The following PEAK3 variants were observed in gnomAD, a reference collection of about 807,000 sequenced individuals.
The protein encoded by PEAK3 is protein PEAK3.
Under a neutral mutation model 13.3 loss-of-function variants are expected in PEAK3, and 15 were observed. The ratio of observed to expected loss-of-function variants is 1.13; its 90% CI spans 0.75 to 1.73. The LOEUF is 1.73. Among genes scored for constraint, PEAK3 ranks in the 40% most tolerant of loss-of-function variants. The pLI is 0.00. For synonymous variants in PEAK3, 347 were observed against 341.9 expected (o/e 1.01, Z -0.17); for missense variants, 739 against 690.2 (o/e 1.07, Z -0.79).
Position 2,275,338 on chromosome 19 carries a change from A to G in PEAK3, c.*342T>C, listed in dbSNP as rs1207477536. 2 of 210,242 alleles carry G rather than the reference A, an allele frequency of 9.5e-6. No homozygotes were observed. The highest frequency in any genetic ancestry group is 1.9e-5 in the Non-Finnish European group (2 of 105,714). The allele number at this position is 210,242 out of a possible 1,614,324, so 13.0% of individuals were successfully genotyped here. ...GACAATGACAGAACCCACGCGGAAG[A>G]GCGCCCTGGCTGCTGGGGAAGGCAG... On this transcript the variant is annotated 3_prime_UTR_variant, in exon 4 of 4. Coordinates refer to ENST00000342063, the MANE Select transcript of PEAK3 (RefSeq NM_198532.3).
chr19:2,276,273 A>T lies in PEAK3; in HGVS notation c.829T>A (p.Phe277Ile). The change falls in exon 4 of 4, where the codon TTC becomes ATC. Residue 277 changes from phenylalanine to isoleucine, a missense_variant. Coordinates refer to ENST00000342063, the MANE Select transcript of PEAK3 (RefSeq NM_198532.3). Reference protein sequence around the residue: ...AEACTQPPEEFVWAVALLLLQ... With the variant: ...AEACTQPPEEIVWAVALLLLQ... ...AGCAGCAGGGCCACAGCCCACACGA[A>T]CTCCTCCGGCGGCTGCGTGCAGGCC... is the stretch of plus-strand genomic sequence containing the variant. The T allele has an allele frequency of 2.5e-6, 4 of 1,592,168 alleles. No homozygotes were observed. Among genetic ancestry groups the T allele is most frequent in the Non-Finnish European group, 3.4e-6 (4 of 1,175,956 alleles).
At chr19:2,278,509 A>G (rs78048915) in intron 3 of PEAK3, 75 bp downstream of exon 3, 169,368 of 1,355,258 alleles carry the variant, frequency 0.12, 12,834 homozygotes, top group East Asian at 0.35. Flanking sequence ...GAAAGGCCAA[A>G]TGAAACAAGC....
chr19:2,277,923 G>T (rs1014548994), intron 3 of PEAK3, among the ~76,000 whole-genome samples: 1 of 150,304 alleles, frequency 6.7e-6, no homozygotes, highest in African/African-American at 2.5e-5. Context: ...GAGCGCAGTG[G>T]TGCGTTCTCG....
rs934810672 is a variant in PEAK3 at position 2,275,081 on chromosome 19, G to A, written c.*599C>T. 1 of 152,206 alleles carries A rather than the reference G, an allele frequency of 6.6e-6. No homozygotes were observed. The highest frequency in any genetic ancestry group is 1.5e-5 in the Non-Finnish European group (1 of 68,084). 9.4% of individuals were successfully genotyped at this position (152,206 alleles called of 1,614,324 possible). The stretch of plus-strand genomic sequence containing the variant: ...GGCAGGGTGGGCGCAGAGGGATTGA[G>A]GGGAGGTGGCAGGGAACCGCGGGGA... On this transcript the variant is annotated 3_prime_UTR_variant, in exon 4 of 4. Transcript: ENST00000342063.
chr19:2,276,529 C>T (rs2025392092), intron 3 of PEAK3, 40 bp from the exon 4 acceptor site: 2 of 1,339,414 alleles, frequency 1.5e-6, no homozygotes, highest in East Asian at 2.4e-5. Context: ...GATCACTGGG[C>T]CCCCCACAAG....
At chr19:2,280,774 C>T in intron 2 of PEAK3, 76 bp downstream of exon 2, 1 of 1,051,642 alleles carries the variant, frequency 9.5e-7, no homozygotes, top group Non-Finnish European at 1.3e-6. Flanking sequence ...GCTCCCTGCA[C>T]CCACCTGCCG....
Position 2,275,751 on chromosome 19 carries a change from G to A in PEAK3, c.1351C>T (p.Leu451=). 1 of 1,582,058 alleles carries A rather than the reference G, an allele frequency of 6.3e-7. No individual in the cohort carries two copies. The highest frequency in any genetic ancestry group is 1.4e-5 in the African/African-American group (1 of 72,830). ...GGEAPSLEDW[L]CCEYLAEATE... Reference sequence around the variant, plus strand: ...GCCTCGGCCAGGTATTCGCAACACAGCCAGTCCTCGAGGCTGGGAGCTTCC... The same window carrying A: ...GCCTCGGCCAGGTATTCGCAACACAACCAGTCCTCGAGGCTGGGAGCTTCC... Residue 451 remains leucine (L), a synonymous_variant, in exon 4 of 4, where the codon CTG becomes TTG. Transcript: ENST00000342063.
At position 2,276,393 on chromosome 19, in the gene PEAK3, C is replaced by G. The variant is rs905862415; in HGVS notation, c.709G>C (p.Val237Leu). Reference sequence around the variant, plus strand: ...GCCCCGGGCAGTGTGCCTTCAGGCACCAGGCCACACAGCCCCTGCAGATTG... The same window carrying G: ...GCCCCGGGCAGTGTGCCTTCAGGCAGCAGGCCACACAGCCCCTGCAGATTG... ...HFNLQGLCGLVPEGTLPGAPW... is the reference protein window; with the variant it reads ...HFNLQGLCGLLPEGTLPGAPW... Residue 237 changes from valine (V) to leucine (L), a missense_variant, in exon 4 of 4, where the codon GTG becomes CTG. By Grantham distance (32) the Val-to-Leu change is conservative. Transcript: ENST00000342063. The G allele has an allele frequency of 6.2e-7, 1 of 1,600,090 alleles. No homozygotes were observed. The highest frequency in any genetic ancestry group is 8.5e-7 in the Non-Finnish European group (1 of 1,178,646).
Position 2,278,962 on chromosome 19 carries a change from G to C in PEAK3, c.234C>G (p.Pro78=), listed in dbSNP as rs767688180. 63 of 1,603,994 alleles carry C rather than the reference G, an allele frequency of 3.9e-5. No homozygotes were observed. Among genetic ancestry groups the C allele is most frequent in the Non-Finnish European group, 2.6e-5 (30 of 1,173,402 alleles). The change falls in exon 3 of 4, where the codon CCC becomes CCG. Residue 78 remains proline, a synonymous_variant. Coordinates refer to ENST00000342063, the MANE Select transcript of PEAK3 (RefSeq NM_198532.3). The part of the protein sequence containing the change: ...QSLPTRRTLH[P]SSIQVQPPRR... Reference sequence around the variant, plus strand: ...GAGGCGGCTGTACTTGGATGGAGCTGGGATGGAGGGTCCTGCGGGTGGGCA... The same window carrying C: ...GAGGCGGCTGTACTTGGATGGAGCTCGGATGGAGGGTCCTGCGGGTGGGCA...
In PEAK3 at chr19:2,276,154, C is replaced by G. The variant is rs759304443; in HGVS notation, c.948G>C (p.Arg316=). The G allele has an allele frequency of 3.4e-4, 527 of 1,545,484 alleles. No individual in the cohort carries two copies. The highest frequency in any genetic ancestry group is 4.2e-4 in the Non-Finnish European group (487 of 1,146,684). Residue 316 remains arginine, a synonymous_variant, in exon 4 of 4, where the codon CGG becomes CGC. Transcript: ENST00000342063. The part of the protein sequence containing the change: ...RPENLLLVAP[R]GCATTGPPRL... Reference sequence around the variant, plus strand: ...GTGGGGGCCCCGTCGTCGCACAGCCCCGAGGTGCCACCAGCAGCAAGTTCT... The same window carrying G: ...GTGGGGGCCCCGTCGTCGCACAGCCGCGAGGTGCCACCAGCAGCAAGTTCT...
At chr19:2,281,247 T>C (rs78322842) in intron 1 of PEAK3, among the ~76,000 whole-genome samples, 3 of 121,788 alleles carry the variant, frequency 2.5e-5, no homozygotes, top group Admixed American at 8.2e-5. Context: ...GCTGTGTGAT[T>C]CTGAGTGGGT....
rs12462312 is a variant in PEAK3 at position 2,274,746 on chromosome 19, A to G, written c.*934T>C. 0.13 allele frequency: 19,213 copies of G among 149,580 alleles called. 2,178 individuals carry two copies. The highest frequency in any genetic ancestry group is 0.5 in the East Asian group (2,391 of 4,806). The allele number at this position is 149,580 out of a possible 1,614,324, so 9.3% of individuals were successfully genotyped here. ...CCAGCACTTTGGGAGGCCGAGGCGG[A>G]CGGATCACGAGGTCAGGAGATGGAG... On this transcript the variant is annotated 3_prime_UTR_variant, in exon 4 of 4. Transcript: ENST00000342063.
intron 1 of PEAK3, among the ~76,000 whole-genome samples, chr19:2,281,882 A>G (rs984562821): frequency 1.8e-4 from 28 of 152,104 alleles, no homozygotes; most frequent in African/African-American, 6.5e-4. Flanking sequence ...ATGGGGACAG[A>G]GTGTTCAGCC....
At chr19:2,277,850 C>T (rs8103071) in intron 3 of PEAK3, among the ~76,000 whole-genome samples, 5,069 of 149,474 alleles carry the variant, frequency 0.034, 262 homozygotes, top group East Asian at 0.18. Flanking sequence ...CAGGCGTCAG[C>T]CACTGTGCTG....
At chr19:2,276,605 C>G (rs868215641) in intron 3 of PEAK3, 116 bp from the exon 4 acceptor site, 2 of 823,522 alleles carry the variant, frequency 2.4e-6, no homozygotes, top group Non-Finnish European at 3.6e-6. Flanking sequence ...GCCCCCACTA[C>G]GGCTAGGGGC....
At chr19:2,280,224 G>A (rs8106532) in intron 2 of PEAK3, among the ~76,000 whole-genome samples, 21,834 of 151,424 alleles carry the variant, frequency 0.14, 2,196 homozygotes, top group African/African-American at 0.28. Context: ...CACCATGTCT[G>A]GCTAATTTTT....
chr19:2,275,987 G>A lies in PEAK3; in HGVS notation c.1115C>T (p.Ala372Val). Residue 372 changes from alanine (A) to valine (V), a missense_variant, in exon 4 of 4, where the codon GCG becomes GTG. Transcript: ENST00000342063. ...LAAPSTTPLAAGLELLAAQLT... is the reference protein window; with the variant it reads ...LAAPSTTPLAVGLELLAAQLT... ...CTGTGCTGCCAGGAGCTCCAGGCCC[G>A]CGGCCAAAGGCGTGGTCGAGGGCGC... 7.1e-7 allele frequency: 1 copy of A among 1,410,264 alleles called. No individual in the cohort carries two copies. The highest frequency in any genetic ancestry group is 9.2e-7 in the Non-Finnish European group (1 of 1,088,274). The allele number at this position is 1,410,264 out of a possible 1,614,324, so 87.4% of individuals were successfully genotyped here.
intron 3 of PEAK3, 74 bp downstream of exon 3, chr19:2,278,510 T>G: frequency 7.4e-7 from 1 of 1,355,010 alleles, no homozygotes; most frequent in Non-Finnish European, 9.5e-7. Context: ...AAAGGCCAAA[T>G]GAAACAAGCC....
chr19:2,278,910 C>T lies in PEAK3; in HGVS notation c.286G>A (p.Val96Met). 1 of 1,601,734 alleles carries T rather than the reference C, an allele frequency of 6.2e-7. No homozygotes were observed. ...PRRPFLGSHSVDKSQAAVGPA... is the reference protein window; with the variant it reads ...PRRPFLGSHSMDKSQAAVGPA... ...CCCACTGCAGCCTGGCTCTTGTCCACACTGTGGGACCCCAGAAAGGGTCTC... is the reference window on the plus strand; with the variant it reads ...CCCACTGCAGCCTGGCTCTTGTCCATACTGTGGGACCCCAGAAAGGGTCTC... Residue 96 changes from valine to methionine, a missense_variant, in exon 3 of 4, where the codon GTG (valine) becomes ATG (methionine). Val to Met is a conservative substitution (Grantham distance 21). Transcript: ENST00000342063.
Sources: gnomAD v4.1 joint callset for allele counts (sites outside exome capture counted in the v4.1 genomes callset) on GRCh38, gnomAD v4.1.1 for gene constraint, MANE v1.5 for transcripts, NCBI Gene and HGNC (gene_info 2026-07-23, HGNC 2026-07-21) for gene names.